The following LEPR variants were observed in gnomAD, a reference collection of about 807,000 sequenced individuals.
The protein encoded by LEPR is leptin receptor.
A neutral mutation model predicts 114.7 loss-of-function variants in LEPR; 56 were observed. That is an observed-to-expected ratio of 0.49 (90% CI 0.39 to 0.61). The LOEUF (loss-of-function observed/expected upper bound fraction) is 0.61, where lower values mean the gene tolerates loss of function less well. Among genes scored for constraint, LEPR ranks in the 20% least tolerant of loss-of-function variants. The probability of loss-of-function intolerance (pLI) is 0.00; values close to 1 mark genes in which losing one functional copy is unlikely to be tolerated. For missense variants in LEPR, 1,202 were observed against 1,352.9 expected (o/e 0.89, Z 1.75); for synonymous variants, 443 against 461.4 (o/e 0.96, Z 0.51).
chr1:65,623,058 G>A (rs982483480), intron 19 of LEPR, 77 bp downstream of exon 19: 3 of 1,372,662 alleles, frequency 2.2e-6, no homozygotes, highest in Non-Finnish European at 1.0e-6. Flanking sequence ...AGAGCATTAA[G>A]CATTTTTAAG....
At chr1:65,506,520 G>A (rs975256772) in intron 2 of LEPR, among the ~76,000 whole-genome samples, 1 of 152,150 alleles carries the variant, frequency 6.6e-6, no homozygotes, top group Admixed American at 6.5e-5. Flanking sequence ...GTGTGACAGT[G>A]ACTTAGAACT....
chr1:65,594,970 A>T (rs1397116191), intron 6 of LEPR, among the ~76,000 whole-genome samples: 2 of 152,102 alleles, frequency 1.3e-5, no homozygotes, highest in Non-Finnish European at 2.9e-5. Flanking sequence ...TTGTCAACCT[A>T]AAATGTATGA....
At chr1:65,566,526 T>C (rs901896737) in intron 3 of LEPR, among the ~76,000 whole-genome samples, 3 of 152,216 alleles carry the variant, frequency 2.0e-5, no homozygotes, top group Non-Finnish European at 4.4e-5. Flanking sequence ...CTTTTGAGCA[T>C]ACTGTTCTCA....
At chr1:65,536,203 A>G (rs111573261) in intron 2 of LEPR, among the ~76,000 whole-genome samples, 2,503 of 152,244 alleles carry the variant, frequency 0.016, 36 homozygotes, top group Admixed American at 0.026. Context: ...TTCTTACTCT[A>G]TTAGTTCCTG....
intron 2 of LEPR, among the ~76,000 whole-genome samples, chr1:65,557,280 G>A (rs1027332854): frequency 1.5e-4 from 23 of 152,106 alleles, no homozygotes; most frequent in African/African-American, 4.8e-4. Flanking sequence ...CATAAGAAAA[G>A]TTAGAACAAA....
At chr1:65,598,855 C>G in intron 8 of LEPR, 51 bp downstream of exon 8, 1 of 1,611,244 alleles carries the variant, frequency 6.2e-7, no homozygotes, top group Non-Finnish European at 8.5e-7. Context: ...ATTTCCTGAA[C>G]TTGCCTTTGT....
intron 2 of LEPR, among the ~76,000 whole-genome samples, chr1:65,546,004 C>T (rs897984782): frequency 5.3e-5 from 8 of 151,414 alleles, no homozygotes; most frequent in African/African-American, 1.9e-4. Context: ...AGGAAGGGAT[C>T]CAGTTTCAGC....
Position 65,622,940 on chromosome 1 carries a change from C to T in LEPR, c.2632C>T (p.Pro878Ser), listed in dbSNP as rs778568069. Residue 878 changes from proline to serine, a missense_variant, in exon 19 of 20, where the codon CCC (proline) becomes TCC (serine). Pro to Ser is a moderately conservative substitution (Grantham distance 74). Coordinates refer to ENST00000349533, the MANE Select transcript of LEPR (RefSeq NM_002303.6). ...KKLFWEDVPNPKNCSWAQGLN... is the reference protein window; with the variant it reads ...KKLFWEDVPNSKNCSWAQGLN... ...GCTATTTTGGGAAGATGTTCCGAAC[C>T]CCAAGAATTGTTCCTGGGCACAAGG... 6.2e-7 allele frequency: 1 copy of T among 1,613,928 alleles called. No individual in the cohort carries two copies. Among genetic ancestry groups the T allele is most frequent in the Middle Eastern group, 1.7e-4 (1 of 6,054 alleles).
chr1:65,492,421 A>G lies in LEPR; in HGVS notation c.-21+67043A>G, dbSNP rs576698319. ...TTGAACAAACACTTATTATTCACCT[A>G]CTAGGTACTAGGTATTAGTAGGTGG... On this transcript the variant is annotated intron_variant, in intron 2 of 19. Transcript: ENST00000349533. Among the ~76,000 whole-genome samples, 10 of 152,210 alleles carry G rather than the reference A, an allele frequency of 6.6e-5. No individual in the cohort carries two copies. The South Asian group carries it at 1.7e-3, about 25-fold the overall frequency.
At chr1:65,529,824 T>G (rs1650261048) in intron 2 of LEPR, among the ~76,000 whole-genome samples, 1 of 152,198 alleles carries the variant, frequency 6.6e-6, no homozygotes, top group Admixed American at 6.5e-5. Flanking sequence ...CAGGACACCA[T>G]GCATTCTTGA....
At chr1:65,571,791 CAAAAAAAAAAAAA>C (rs34139057) in intron 4 of LEPR, among the ~76,000 whole-genome samples, 3 of 73,684 alleles carry the variant, frequency 4.1e-5, no homozygotes, top group Non-Finnish European at 7.8e-5. Context: ...CCATCTCTAC[CAAAAAAAAAAAAA>C]AAAAAAAAAA....
Position 65,445,584 on chromosome 1 carries a change from A to G in LEPR, c.-21+20206A>G, listed in dbSNP as rs188473676. On this transcript the variant is annotated intron_variant, in intron 2 of 19. Coordinates refer to ENST00000349533, the MANE Select transcript of LEPR (RefSeq NM_002303.6). ...CTGTGCGAAACTCACTACCAGGATC[A>G]GCCAATACTTGTTTTTCTGTGGAGC... Among the ~76,000 whole-genome samples the G allele has an allele frequency of 1.6e-4, 25 of 152,250 alleles. No homozygotes were observed. The East Asian group carries it at 4.6e-3, about 28-fold the overall frequency.
At chr1:65,518,502 G>A (rs1649399172) in intron 2 of LEPR, among the ~76,000 whole-genome samples, 1 of 152,112 alleles carries the variant, frequency 6.6e-6, no homozygotes, top group Non-Finnish European at 1.5e-5. Flanking sequence ...TCTCTACAAT[G>A]CACTTTTCTG....
rs565261536 is a variant in LEPR at position 65,610,175 on chromosome 1, A to G, written c.1913-39A>G. On this transcript the variant is annotated intron_variant, in intron 13 of 19. Coordinates refer to ENST00000349533, the MANE Select transcript of LEPR (RefSeq NM_002303.6). ...TGTGCTTCAAATATGGCTGAAAAGT[A>G]TTTCTTCAAAAACATATACACAACT... 9.9e-5 allele frequency: 159 copies of G among 1,614,148 alleles called. 3 individuals are homozygous for G. The South Asian group carries it at 1.7e-3, about 17-fold the overall frequency.
intron 2 of LEPR, among the ~76,000 whole-genome samples, chr1:65,442,390 T>A (rs1459073122): frequency 6.6e-6 from 1 of 152,188 alleles, no homozygotes; most frequent in Admixed American, 6.5e-5. Context: ...CCCACTGATT[T>A]GAGTTTGTCC....
chr1:65,433,004 C>T, intron 2 of LEPR: 1 of 985,390 alleles, frequency 1.0e-6, no homozygotes, highest in Non-Finnish European at 1.2e-6. Context: ...ACAGATGTAT[C>T]TTTTCATCTG....
intron 18 of LEPR, 63 bp downstream of exon 18, chr1:65,621,521 T>G: frequency 2.2e-6 from 3 of 1,360,080 alleles, no homozygotes; most frequent in Non-Finnish European, 3.1e-6. Flanking sequence ...AAACCCTGAT[T>G]TAAAACCTTC....
chr1:65,621,524 A>G (rs1657887279), intron 18 of LEPR, 66 bp downstream of exon 18: 2 of 1,311,530 alleles, frequency 1.5e-6, no homozygotes, highest in East Asian at 2.3e-5. Flanking sequence ...CCCTGATTTA[A>G]AACCTTCTAA....
intron 19 of LEPR, chr1:65,634,462 G>A (rs928806062): frequency 1.5e-5 from 14 of 961,574 alleles, no homozygotes; most frequent in Non-Finnish European, 1.7e-5. Flanking sequence ...GATGCATATA[G>A]TGAAATTTTT....
Sources: gnomAD v4.1 joint callset for allele counts (sites outside exome capture counted in the v4.1 genomes callset) on GRCh38, gnomAD v4.1.1 for gene constraint, MANE v1.5 for transcripts, NCBI Gene and HGNC (gene_info 2026-07-23, HGNC 2026-07-21) for gene names.